The following FGD6 variants were observed in gnomAD, a reference collection of about 807,000 sequenced individuals.
FGD6 encodes FYVE, RhoGEF and PH domain containing 6, also known as FYVE, RhoGEF and PH domain-containing protein 6.
FGD6 carries 90 observed loss-of-function variants against 149.4 expected under a neutral mutation model. The ratio of observed to expected loss-of-function variants is 0.60; its 90% CI spans 0.51 to 0.72. FGD6 has a LOEUF of 0.72. FGD6 is among the 30% of genes least tolerant of loss of function. The pLI is 0.00. For missense variants in FGD6, 1,437 were observed against 1,684.8 expected, an observed-to-expected ratio of 0.85 and a Z score of 2.57; for synonymous variants, 527 against 584.0, an observed-to-expected ratio of 0.90 and a Z score of 1.41.
At chr12:95,110,737 C>A (rs1878792985) in intron 9 of FGD6, among the ~76,000 whole-genome samples, 1 of 152,080 alleles carries the variant, frequency 6.6e-6, no homozygotes, top group Non-Finnish European at 1.5e-5. Flanking sequence ...TGCTTTCTGG[C>A]CTGCTGGAAT....
rs61179507 is a variant in FGD6 at position 95,094,522 on chromosome 12, C to A, written c.3600+70G>T. 1,306 of 1,021,924 alleles carry A rather than the reference C, an allele frequency of 1.3e-3. 12 individuals are homozygous for A. In the African/African-American group the frequency reaches 0.018, roughly 14 times the overall value. 63.3% of individuals were successfully genotyped at this position (1,021,924 alleles called of 1,614,324 possible). On this transcript the variant is annotated intron_variant, in intron 15 of 20. Transcript: ENST00000343958. ...CTGAAACACATGTTGCTTTCTTAAACCCCTGTGAAATGTTTAAGGTAAAAA... is the reference window on the plus strand; with the variant it reads ...CTGAAACACATGTTGCTTTCTTAAAACCCTGTGAAATGTTTAAGGTAAAAA...
chr12:95,200,077 G>A (rs1881832083), intron 2 of FGD6, among the ~76,000 whole-genome samples: 1 of 151,940 alleles, frequency 6.6e-6, no homozygotes, highest in African/African-American at 2.4e-5. Context: ...AACAAAACAG[G>A]CTATTCTAAG....
chr12:95,095,944 GTGGAGGT>G (rs2136235426), intron 14 of FGD6, among the ~76,000 whole-genome samples: 1 of 151,820 alleles, frequency 6.6e-6, no homozygotes, highest in Admixed American at 6.6e-5. Context: ...AACCAAGGAG[GTGGAGGT>G]TGTAGTGAGC....
At chr12:95,110,608 A>G (rs11107898) in intron 9 of FGD6, among the ~76,000 whole-genome samples, 94,905 of 151,326 alleles carry the variant, frequency 0.63, 29,998 homozygotes, top group East Asian at 0.68. Flanking sequence ...CACCCGCCGC[A>G]GCCTCCCAAA....
chr12:95,207,975 G>A (rs951607259), intron 2 of FGD6, among the ~76,000 whole-genome samples: 1 of 152,180 alleles, frequency 6.6e-6, no homozygotes, highest in Admixed American at 6.5e-5. Context: ...AATAGGCCCA[G>A]TGTAGTGACT....
At chr12:95,191,445 C>T (rs1447356888) in intron 2 of FGD6, among the ~76,000 whole-genome samples, 3 of 152,216 alleles carry the variant, frequency 2.0e-5, no homozygotes, top group Admixed American at 1.3e-4. Flanking sequence ...CAGTGGGACA[C>T]TGGTTTACTC....
chr12:95,159,011 G>C (rs1337805032), intron 3 of FGD6, among the ~76,000 whole-genome samples: 1 of 152,108 alleles, frequency 6.6e-6, no homozygotes, highest in Non-Finnish European at 1.5e-5. Flanking sequence ...GTCAAGAGCG[G>C]ATCTTATCAG....
intron 8 of FGD6, among the ~76,000 whole-genome samples, chr12:95,127,834 A>C (rs745690661): frequency 6.6e-5 from 10 of 152,236 alleles, no homozygotes; most frequent in Admixed American, 2.0e-4. Flanking sequence ...ATTTAATCAA[A>C]GGACTATTTT....
intron 2 of FGD6, among the ~76,000 whole-genome samples, chr12:95,201,704 C>T (rs2056663443): frequency 2.6e-5 from 4 of 152,248 alleles, no homozygotes; most frequent in Middle Eastern, 6.8e-3. Context: ...GGACATTTCT[C>T]TAGGACCTAG....
At chr12:95,109,590 C>T (rs904244978) in intron 9 of FGD6, among the ~76,000 whole-genome samples, 6 of 151,958 alleles carry the variant, frequency 3.9e-5, no homozygotes, top group East Asian at 1.9e-4. Flanking sequence ...TGGCTGGGCG[C>T]GGTGGCTCAC....
chr12:95,216,306 T>C (rs1010265729), intron 1 of FGD6, among the ~76,000 whole-genome samples: 4 of 152,244 alleles, frequency 2.6e-5, no homozygotes, highest in Admixed American at 2.0e-4. Context: ...ATTCTGGAAG[T>C]AACCTTGAGA....
At position 95,210,151 on chromosome 12, in the gene FGD6, A is replaced by G; in HGVS notation, c.1133T>C (p.Met378Thr). ...CAATTCACTTTTATTTCCTAGCTTC[A>G]TTTTATCCACCTGTTCCTGCTTACA... is the stretch of plus-strand genomic sequence containing the variant. Reference protein sequence around the residue: ...VLCKQEQVDKMKLGNKSELNM... With the variant: ...VLCKQEQVDKTKLGNKSELNM... Residue 378 changes from methionine (M) to threonine (T), a missense_variant, in exon 2 of 21, where the codon ATG becomes ACG. By Grantham distance (81) the Met-to-Thr change is moderately conservative. This residue lies in a region of FGD6 where 1,055 missense variants were observed against 1,146.0 expected (regional missense o/e 0.92). Coordinates refer to ENST00000343958, the MANE Select transcript of FGD6 (RefSeq NM_018351.4). The G allele has an allele frequency of 6.2e-7, 1 of 1,613,902 alleles. No homozygotes were observed. Among genetic ancestry groups the G allele is most frequent in the Non-Finnish European group, 8.5e-7 (1 of 1,179,972 alleles).
At chr12:95,137,966 A>G (rs1035721313) in intron 6 of FGD6, among the ~76,000 whole-genome samples, 4 of 152,062 alleles carry the variant, frequency 2.6e-5, no homozygotes, top group African/African-American at 9.7e-5. Context: ...TCATACCTGT[A>G]ATCCCAGCAC....
At chr12:95,164,239 TTC>T (rs1880730230) in intron 3 of FGD6, among the ~76,000 whole-genome samples, 2 of 151,600 alleles carry the variant, frequency 1.3e-5, no homozygotes, top group Admixed American at 1.3e-4. Context: ...TTTTTTTTTT[TTC>T]CTTCCTTTTT....
Position 95,125,344 on chromosome 12 carries a change from C to T in FGD6, c.3082+9395G>A, listed in dbSNP as rs575168400. Among the ~76,000 whole-genome samples the T allele has an allele frequency of 1.3e-3, 204 of 152,224 alleles. 2 individuals are homozygous for T. Among genetic ancestry groups the T allele is most frequent in the African/African-American group, 4.7e-3 (196 of 41,546 alleles). Reference sequence around the variant, plus strand: ...CACTTTCCATAGCATTAAAATATTTCATGGATGGCTAGGTGTAGTGGCTCA... The same window carrying T: ...CACTTTCCATAGCATTAAAATATTTTATGGATGGCTAGGTGTAGTGGCTCA... On this transcript the variant is annotated intron_variant, in intron 8 of 20. Transcript: ENST00000343958.
At chr12:95,204,806 A>C (rs571051418) in intron 2 of FGD6, among the ~76,000 whole-genome samples, 1 of 152,248 alleles carries the variant, frequency 6.6e-6, no homozygotes, top group South Asian at 2.1e-4. Context: ...GTAATGGTTA[A>C]TATAACCTGC....
At chr12:95,118,952 G>A (rs765233485) in intron 8 of FGD6, among the ~76,000 whole-genome samples, 8 of 152,174 alleles carry the variant, frequency 5.3e-5, no homozygotes, top group Non-Finnish European at 7.3e-5. Flanking sequence ...GCAGCTTGGC[G>A]AAGTGGTCAA....
intron 1 of FGD6, among the ~76,000 whole-genome samples, chr12:95,215,777 CT>C (rs2056751079): frequency 6.6e-6 from 1 of 152,210 alleles, no homozygotes; most frequent in Non-Finnish European, 1.5e-5. Flanking sequence ...AAATTACATG[CT>C]TCTGTGCCTG....
rs74773752 is a variant in FGD6 at position 95,162,758 on chromosome 12, C to T, written c.2587-9765G>A. Among the ~76,000 whole-genome samples the T allele has an allele frequency of 6.1e-3, 929 of 152,270 alleles. 3 individuals are homozygous for T. Among genetic ancestry groups the T allele is most frequent in the Non-Finnish European group, 0.01 (712 of 68,022 alleles). On this transcript the variant is annotated intron_variant, in intron 3 of 20. Coordinates refer to ENST00000343958, the MANE Select transcript of FGD6 (RefSeq NM_018351.4). Reference sequence around the variant, plus strand: ...GTTTAAACACAATCCATCAGCTACTCCTATACTAGCTACTGTAGATACCAA... The same window carrying T: ...GTTTAAACACAATCCATCAGCTACTTCTATACTAGCTACTGTAGATACCAA...
Sources: allele counts gnomAD v4.1 joint callset (sites outside exome capture counted in the v4.1 genomes callset), GRCh38; gene constraint gnomAD v4.1.1; regional missense constraint gnomAD v4.1.1; transcripts MANE v1.5; gene names NCBI Gene and HGNC (gene_info 2026-07-23, HGNC 2026-07-21).